Variants in DAB1 observed in about 807,000 individuals in gnomAD.
The protein encoded by DAB1 is disabled homolog 1.
DAB1 carries 15 observed loss-of-function variants against 64.6 expected under a neutral mutation model. The observed-to-expected ratio is 0.23, with a 90% CI of 0.16 to 0.36. The LOEUF is 0.36. Ranked by LOEUF, DAB1 falls within the 10% of genes least tolerant of loss-of-function variation. The pLI, the probability that DAB1 is intolerant of heterozygous loss-of-function variation, is 1.00. For synonymous variants in DAB1, 235 were observed against 251.9 expected (o/e 0.93, Z 0.64); for missense variants, 596 against 706.7 (o/e 0.84, Z 1.78).
intron 4 of DAB1, among the ~76,000 whole-genome samples, chr1:57,100,751 A>T: frequency 2.0e-5 from 2 of 99,528 alleles, no homozygotes; most frequent in African/African-American, 8.4e-5. Context: ...GAGCTCGCCA[A>T]GCTGGGGTGG....
intron 1 of DAB1, among the ~76,000 whole-genome samples, chr1:57,332,795 T>G (rs1026552631): frequency 1.3e-5 from 2 of 152,224 alleles, no homozygotes; most frequent in African/African-American, 2.4e-5. Flanking sequence ...CCAATTTCAT[T>G]CATTTTATGG....
At chr1:57,413,513 G>A (rs560471988) in intron 1 of DAB1, among the ~76,000 whole-genome samples, 28 of 152,076 alleles carry the variant, frequency 1.8e-4, no homozygotes, top group African/African-American at 6.0e-4. Context: ...AGGCGGAAGC[G>A]GGTGGATCAC....
At chr1:58,398,722 C>T (rs1238673210) in intron 3 of DAB1, among the ~76,000 whole-genome samples, 1 of 152,180 alleles carries the variant, frequency 6.6e-6, no homozygotes, top group Non-Finnish European at 1.5e-5. Context: ...AGTAATTTGC[C>T]CAAGTTCCCA....
rs1650911885 is a variant in DAB1, at chr1:57,066,376, TA to T, written c.663+2983del. ...TCACCATTATTGGAAGGATCAAAAT[TA>T]AGTGATGTGTAAAAATGTTTTGTAT... On this transcript the variant is annotated intron_variant, in intron 8 of 14. Transcript: ENST00000371236. Among the ~76,000 whole-genome samples the T allele has an allele frequency of 2.0e-5, 3 of 152,180 alleles. No individual in the cohort carries two copies. The South Asian group carries it at 6.2e-4, about 32-fold the overall frequency.
At chr1:57,053,167 T>C (rs1419172188) in intron 9 of DAB1, among the ~76,000 whole-genome samples, 2 of 152,140 alleles carry the variant, frequency 1.3e-5, no homozygotes, top group African/African-American at 4.8e-5. Context: ...TCAACAAAGA[T>C]CATACCCAAA....
chr1:57,573,110 C>T (rs1336268697), intron 7 of DAB1, among the ~76,000 whole-genome samples: 3 of 152,236 alleles, frequency 2.0e-5, no homozygotes, highest in East Asian at 3.9e-4. Flanking sequence ...TTTTTAGAGA[C>T]AGGGTCTCCC....
chr1:57,841,414 C>G (rs1461150465), intron 1 of DAB1, among the ~76,000 whole-genome samples: 1 of 152,202 alleles, frequency 6.6e-6, no homozygotes, highest in Admixed American at 6.5e-5. Context: ...GGCAGTGCCC[C>G]AGTGAGGACT....
intron 5 of DAB1, among the ~76,000 whole-genome samples, chr1:57,919,945 C>T (rs1253715938): frequency 6.6e-6 from 1 of 152,132 alleles, no homozygotes; most frequent in Admixed American, 6.5e-5. Context: ...TAGGGGAGGT[C>T]AGGTGGACCC....
intron 5 of DAB1, among the ~76,000 whole-genome samples, chr1:58,031,989 C>CGTGTGTGTGTGT (rs59449665): frequency 1.1e-3 from 153 of 141,976 alleles, no homozygotes; most frequent in African/African-American, 2.4e-3. Context: ...CTGATAGAAA[C>CGTGTGTGTGTGT]GTGTGTGTGT....
intron 3 of DAB1, among the ~76,000 whole-genome samples, chr1:58,430,590 A>T (rs915983216): frequency 6.6e-6 from 1 of 152,230 alleles, no homozygotes; most frequent in African/African-American, 2.4e-5. Context: ...GAAGACTGCC[A>T]GCTACACTCA....
chr1:58,092,844 A>G (rs1271990941), intron 5 of DAB1, among the ~76,000 whole-genome samples: 1 of 152,164 alleles, frequency 6.6e-6, no homozygotes, highest in Non-Finnish European at 1.5e-5. Context: ...TCCTCAGACA[A>G]GTCAACTGCT....
At chr1:58,328,144 C>A (rs947465702) in intron 4 of DAB1, among the ~76,000 whole-genome samples, 4 of 152,228 alleles carry the variant, frequency 2.6e-5, no homozygotes, top group Non-Finnish European at 4.4e-5. Context: ...TCTCCTTCTG[C>A]CCAACCCTGC....
chr1:58,092,463 C>T (rs1380813425), intron 5 of DAB1, among the ~76,000 whole-genome samples: 1 of 152,188 alleles, frequency 6.6e-6, no homozygotes, highest in Non-Finnish European at 1.5e-5. Flanking sequence ...CTGGTTTCTT[C>T]CCTCAAGCAC....
rs138996760 is a variant in DAB1 at position 57,330,959 on chromosome 1, C to A, written c.-136-39793G>T. On this transcript the variant is annotated intron_variant, in intron 1 of 14. Coordinates refer to ENST00000371236, the MANE Select transcript of DAB1 (RefSeq NM_001365792.1). Reference sequence around the variant, plus strand: ...GAGCCACCTAAACAGCATCATTTCTCTGTAAATACCATCCTTCCTTCCCTG... The same window carrying A: ...GAGCCACCTAAACAGCATCATTTCTATGTAAATACCATCCTTCCTTCCCTG... 4.6e-3 allele frequency among the ~76,000 whole-genome samples: 694 copies of A among 152,202 alleles called. 16 individuals carry two copies. The highest frequency in any genetic ancestry group is 0.013 in the East Asian group (67 of 5,156).
At chr1:57,969,242 A>T (rs907288276) in intron 5 of DAB1, among the ~76,000 whole-genome samples, 4 of 152,178 alleles carry the variant, frequency 2.6e-5, no homozygotes, top group African/African-American at 9.6e-5. Context: ...TTGTCTGTAA[A>T]CTAAAAAAAA....
chr1:58,026,343 A>G (rs1646894896), intron 5 of DAB1, among the ~76,000 whole-genome samples: 1 of 152,188 alleles, frequency 6.6e-6, no homozygotes, highest in Admixed American at 6.6e-5. Context: ...TCTAGGCTCC[A>G]TTTCCATCTC....
intron 4 of DAB1, among the ~76,000 whole-genome samples, chr1:57,083,705 G>A (rs945633943): frequency 6.6e-6 from 1 of 152,186 alleles, no homozygotes; most frequent in Non-Finnish European, 1.5e-5. Context: ...TGAGACGACT[G>A]GGATTCCAAG....
At chr1:58,422,602 ATTTT>A (rs36063995) in intron 3 of DAB1, among the ~76,000 whole-genome samples, 6 of 128,218 alleles carry the variant, frequency 4.7e-5, no homozygotes, top group East Asian at 2.2e-4. Flanking sequence ...CAGGAGGCAA[ATTTT>A]TTTTTTTTTT....
At chr1:57,424,333 ACGAGCGAG>A (rs548471057), upstream of DAB1, among the ~76,000 whole-genome samples, 3 of 144,904 alleles carry the variant, frequency 2.1e-5, no homozygotes, top group African/African-American at 7.5e-5. Flanking sequence ...AGGTGGAAGA[ACGAGCGAG>A]CGAGCGAGCG....
Sources: gnomAD v4.1 joint callset for allele counts (sites outside exome capture counted in the v4.1 genomes callset) on GRCh38, gnomAD v4.1.1 for gene constraint, MANE v1.5 for transcripts, NCBI Gene and HGNC (gene_info 2026-07-23, HGNC 2026-07-21) for gene names.